Variants in ITIH2 observed in about 807,000 individuals in gnomAD.
ITIH2 encodes inter-alpha-trypsin inhibitor heavy chain 2.
In ITIH2, 103 loss-of-function variants were observed where a neutral mutation model predicts 104.4. The observed-to-expected ratio is 0.99, with a 90% CI of 0.84 to 1.16. The LOEUF (loss-of-function observed/expected upper bound fraction) is 1.16. Ranked by LOEUF, ITIH2 falls within the 50% of genes most tolerant of loss-of-function variation. The probability of loss-of-function intolerance (pLI) is 0.00; values close to 1 mark genes in which losing one functional copy is unlikely to be tolerated. For synonymous variants in ITIH2, 436 were observed against 435.4 expected, an observed-to-expected ratio of 1.00 and a Z score of -0.02; for missense variants, 1,108 against 1,162.4, an observed-to-expected ratio of 0.95 and a Z score of 0.68.
chr10:7,745,056 G>A, intron 19 of ITIH2, 93 bp downstream of exon 19: 1 of 1,113,438 alleles, frequency 9.0e-7, no homozygotes, highest in South Asian at 1.4e-5. Context: ...GGACATGGCA[G>A]GTGTGGACTC....
At chr10:7,711,740 T>C (rs1410955468) in intron 4 of ITIH2, among the ~76,000 whole-genome samples, 2 of 152,202 alleles carry the variant, frequency 1.3e-5, no homozygotes, top group Admixed American at 6.6e-5. Flanking sequence ...TCAGTGGAGC[T>C]GTCCCTCATA....
At chr10:7,705,289 T>C in intron 2 of ITIH2, 107 bp downstream of exon 2, 1 of 816,974 alleles carries the variant, frequency 1.2e-6, no homozygotes, top group East Asian at 2.4e-5. Flanking sequence ...AGAGTTTGTT[T>C]TTTAGCACAG....
chr10:7,705,215 A>C, intron 2 of ITIH2, 33 bp downstream of exon 2: 1 of 1,396,392 alleles, frequency 7.2e-7, no homozygotes, highest in Non-Finnish European at 1.0e-6. Context: ...AAGGGGGAAA[A>C]AAAGTGAAAG....
At chr10:7,747,925 G>T (rs1283891230) in intron 20 of ITIH2, among the ~76,000 whole-genome samples, 1 of 151,298 alleles carries the variant, frequency 6.6e-6, no homozygotes, top group Admixed American at 6.6e-5. Flanking sequence ...ATATAAATAG[G>T]CCAGGCGCAG....
intron 19 of ITIH2, among the ~76,000 whole-genome samples, chr10:7,745,352 CA>C (rs1453982072): frequency 6.6e-6 from 1 of 152,086 alleles, no homozygotes; most frequent in East Asian, 1.9e-4. Context: ...ACATCACAAA[CA>C]AAACTTTTTC....
rs751772416 is a variant in ITIH2 at position 7,717,681 on chromosome 10, G to A, written c.523G>A (p.Ala175Thr). Residue 175 changes from alanine (A) to threonine (T), a missense_variant, in exon 6 of 21, where the codon GCA (alanine) becomes ACA (threonine). By Grantham distance (58) the Ala-to-Thr change is moderately conservative (BLOSUM62 0). Transcript: ENST00000358415. ...AACGGAAGTAAATGTCCTCCCAGGAGCAAAGGTGCAGTTCGAACTTCACTA... is the reference window on the plus strand; with the variant it reads ...AACGGAAGTAAATGTCCTCCCAGGAACAAAGGTGCAGTTCGAACTTCACTA... The part of the protein sequence containing the change: ...FRTEVNVLPG[A>T]KVQFELHYQE... 5 of 1,613,774 alleles carry A rather than the reference G, an allele frequency of 3.1e-6. No homozygotes were observed. The highest frequency in any genetic ancestry group is 1.7e-5 in the Admixed American group (1 of 60,012).
intron 11 of ITIH2, 28 bp from the exon 12 acceptor site, chr10:7,729,924 C>T (rs751835394): frequency 8.5e-6 from 13 of 1,538,428 alleles, no homozygotes; most frequent in Non-Finnish European, 1.1e-5. Context: ...TTCTTCATTC[C>T]TTTCCTTTCG....
At position 7,718,149 on chromosome 10, in the gene ITIH2, C is replaced by T. The variant is rs145777346; in HGVS notation, c.630+361C>T. Among the ~76,000 whole-genome samples the T allele has an allele frequency of 7.0e-4, 106 of 152,266 alleles. 2 individuals carry two copies. In the East Asian group the frequency reaches 0.016, roughly 24 times the overall value. ...AGGGGAGAGCCCGTTCCTTGCTTCT[C>T]CTGCTGTCTGGCAGCTGCCAGCCTT... On this transcript the variant is annotated intron_variant, in intron 6 of 20. Coordinates refer to ENST00000358415, the MANE Select transcript of ITIH2 (RefSeq NM_002216.3).
At chr10:7,729,877 G>T in intron 11 of ITIH2, 75 bp from the exon 12 acceptor site, 2 of 1,008,718 alleles carry the variant, frequency 2.0e-6, no homozygotes, top group Non-Finnish European at 2.9e-6. Flanking sequence ...TTACTAAACT[G>T]CCCTCCCTGG....
chr10:7,714,968 C>G (rs149961265), intron 5 of ITIH2, among the ~76,000 whole-genome samples: 1 of 152,074 alleles, frequency 6.6e-6, no homozygotes, highest in Admixed American at 6.6e-5. Context: ...TGGGCATCGC[C>G]GGATTTTGGT....
chr10:7,745,339 G>A (rs772504550), intron 19 of ITIH2, among the ~76,000 whole-genome samples: 2 of 152,160 alleles, frequency 1.3e-5, no homozygotes, highest in African/African-American at 2.4e-5. Context: ...TATAAAGCCT[G>A]TGACATCACA....
At chr10:7,715,291 T>G (rs1481834445) in intron 5 of ITIH2, among the ~76,000 whole-genome samples, 1 of 151,994 alleles carries the variant, frequency 6.6e-6, no homozygotes, top group Non-Finnish European at 1.5e-5. Flanking sequence ...CGTGGTGGCG[T>G]GTGCCTGTAA....
At chr10:7,714,264 C>CG (rs1834825998) in intron 5 of ITIH2, among the ~76,000 whole-genome samples, 1 of 150,882 alleles carries the variant, frequency 6.6e-6, no homozygotes, top group Admixed American at 6.6e-5. Flanking sequence ...CTCCGCCCCC[C>CG]GGGTTCACGC....
chr10:7,720,989 G>C (rs758431697), intron 7 of ITIH2, 26 bp downstream of exon 7: 11 of 1,319,820 alleles, frequency 8.3e-6, no homozygotes, highest in Non-Finnish European at 1.2e-5. Flanking sequence ...TGTGTTGCCA[G>C]GCATTCACAG....
chr10:7,729,388 C>T (rs1210597478), intron 11 of ITIH2, among the ~76,000 whole-genome samples: 1 of 152,136 alleles, frequency 6.6e-6, no homozygotes, highest in Non-Finnish European at 1.5e-5. Flanking sequence ...CATTCAGTTC[C>T]TGTCCCTGGA....
At chr10:7,729,246 G>A (rs1306622907) in intron 11 of ITIH2, among the ~76,000 whole-genome samples, 1 of 152,022 alleles carries the variant, frequency 6.6e-6, no homozygotes, top group African/African-American at 2.4e-5. Flanking sequence ...CCAGGAGGCG[G>A]AGGTTGCAGT....
At chr10:7,723,640 A>G in intron 9 of ITIH2, 73 bp downstream of exon 9, 3 of 938,076 alleles carry the variant, frequency 3.2e-6, no homozygotes, top group Non-Finnish European at 5.3e-6. Context: ...AAATGCAATC[A>G]TTCTATCCCT....
rs549517172 is a variant in ITIH2 at position 7,748,521 on chromosome 10, CTTTTTTTTTTTTTTTTTT to C, written c.2694-646_2694-629del. Among the ~76,000 whole-genome samples the C allele has an allele frequency of 2.7e-3, 72 of 27,128 alleles. 1 individual carries two copies. The highest frequency in any genetic ancestry group is 6.2e-3 in the African/African-American group (41 of 6,620). 17.8% of individuals were successfully genotyped at this position (27,128 alleles called of 152,430 possible). A position where few individuals can be genotyped will look rare whatever the true frequency, so the allele number is the denominator to read the frequency against. On this transcript the variant is annotated intron_variant, in intron 20 of 20. Coordinates refer to ENST00000358415, the MANE Select transcript of ITIH2 (RefSeq NM_002216.3). ...AGTTAAGAGGTGCCGCCAATGCATT[CTTTTTTTTTTTTTTTTTT>C]TTTTTTTTTTTTTTTTTTTAGTGAC... is the stretch of plus-strand genomic sequence containing the variant.
At chr10:7,721,327 G>C (rs1834900505) in intron 7 of ITIH2, among the ~76,000 whole-genome samples, 1 of 152,172 alleles carries the variant, frequency 6.6e-6, no homozygotes, top group Admixed American at 6.5e-5. Context: ...TATGACTCCT[G>C]TAAGGAGAAA....
Sources: gnomAD v4.1 joint callset for allele counts (sites outside exome capture counted in the v4.1 genomes callset) on GRCh38, gnomAD v4.1.1 for gene constraint, MANE v1.5 for transcripts, NCBI Gene and HGNC (gene_info 2026-07-23, HGNC 2026-07-21) for gene names.